Variants in TMEM181 observed in about 807,000 individuals in gnomAD.
The protein encoded by TMEM181 is transmembrane protein 181, also known as G protein-coupled receptor 178.
A neutral mutation model predicts 71.9 loss-of-function variants in TMEM181; 39 were observed. The observed-to-expected ratio is 0.54, with a 90% confidence interval of 0.42 to 0.71. The LOEUF (loss-of-function observed/expected upper bound fraction) is 0.71. TMEM181 is among the 30% of genes least tolerant of loss of function. The pLI is 0.00. For synonymous variants in TMEM181, 245 were observed against 228.8 expected (o/e 1.07, Z -0.64); for missense variants, 595 against 583.0 (o/e 1.02, Z -0.21).
At chr6:158,546,373 C>T (rs1781527284) in intron 1 of TMEM181, among the ~76,000 whole-genome samples, 1 of 152,210 alleles carries the variant, frequency 6.6e-6, no homozygotes, top group East Asian at 1.9e-4. Flanking sequence ...AGATATGGCA[C>T]TACAGCATTT....
At chr6:158,572,605 G>C (rs979173167) in intron 1 of TMEM181, 1 of 386,910 alleles carries the variant, frequency 2.6e-6, no homozygotes, top group Non-Finnish European at 5.2e-6. Flanking sequence ...GACAGAGACC[G>C]GTGTTCCCAA....
intron 2 of TMEM181, among the ~76,000 whole-genome samples, chr6:158,577,644 T>C (rs1316334578): frequency 6.6e-6 from 1 of 152,076 alleles, no homozygotes; most frequent in East Asian, 1.9e-4. Context: ...CACCAAGATA[T>C]AATCAAACTG....
intron 1 of TMEM181, among the ~76,000 whole-genome samples, chr6:158,566,755 G>A (rs540112051): frequency 1.0e-3 from 155 of 151,760 alleles, no homozygotes; most frequent in African/African-American, 3.7e-3. Flanking sequence ...ATGGTGAGGA[G>A]TTGAGGGAGG....
chr6:158,602,978 T>C (rs1026791555), intron 6 of TMEM181, among the ~76,000 whole-genome samples: 3 of 152,206 alleles, frequency 2.0e-5, no homozygotes, highest in African/African-American at 7.2e-5. Context: ...CTTATCTTCG[T>C]CTAATGTAAT....
chr6:158,608,451 G>A lies in TMEM181; in HGVS notation c.792G>A (p.Gly264=), dbSNP rs1785085953. 6.2e-7 allele frequency: 1 copy of A among 1,614,082 alleles called. No homozygotes were observed. Among genetic ancestry groups the A allele is most frequent in the African/African-American group, 1.3e-5 (1 of 74,934 alleles). ...LLLFWLCVYH[G]IRVQGERKCL... Reference sequence around the variant, plus strand: ...TCTTCTGGCTGTGCGTGTACCACGGGATTCGTGTCCAGGTGAGCCGGAGCC... The same window carrying A: ...TCTTCTGGCTGTGCGTGTACCACGGAATTCGTGTCCAGGTGAGCCGGAGCC... Residue 264 remains glycine, a synonymous_variant, in exon 9 of 17, where the codon GGG becomes GGA. Transcript: ENST00000684151.
chr6:158,618,009 C>T (rs1785714109), intron 10 of TMEM181, among the ~76,000 whole-genome samples: 1 of 152,172 alleles, frequency 6.6e-6, no homozygotes, highest in African/African-American at 2.4e-5. Flanking sequence ...TGGTGCAGAG[C>T]TGAGTTCAAG....
chr6:158,562,263 C>T (rs1332197679), intron 1 of TMEM181, among the ~76,000 whole-genome samples: 1 of 152,170 alleles, frequency 6.6e-6, no homozygotes, highest in African/African-American at 2.4e-5. Context: ...CTGCAGTCTC[C>T]ATTCCTTCTC....
At chr6:158,598,956 C>T (rs371304562) in intron 6 of TMEM181, among the ~76,000 whole-genome samples, 3 of 152,160 alleles carry the variant, frequency 2.0e-5, no homozygotes, top group African/African-American at 7.2e-5. Context: ...CCACCGCACC[C>T]GGCCATTTCA....
chr6:158,622,939 T>C lies in TMEM181; in HGVS notation c.897-611T>C, dbSNP rs145613804. ...TCCCACGCTTGCTCTTTATGAGTGC[T>C]TTTGTCCTGTAAAATGGCCCCACAG... On this transcript the variant is annotated intron_variant, in intron 10 of 16. Coordinates refer to ENST00000684151, the MANE Select transcript of TMEM181 (RefSeq NM_001376852.1). 9.2e-5 allele frequency among the ~76,000 whole-genome samples: 14 copies of C among 152,330 alleles called. No individual in the cohort carries two copies. The East Asian group carries it at 2.7e-3, about 29-fold the overall frequency.
chr6:158,580,106 G>A (rs758019193), intron 2 of TMEM181, among the ~76,000 whole-genome samples: 6 of 152,148 alleles, frequency 3.9e-5, no homozygotes, highest in Non-Finnish European at 5.9e-5. Flanking sequence ...TGAGGTGGGC[G>A]GATCTCCTGA....
chr6:158,567,609 T>C (rs1406517160), intron 1 of TMEM181, among the ~76,000 whole-genome samples: 1 of 152,144 alleles, frequency 6.6e-6, no homozygotes, highest in East Asian at 1.9e-4. Flanking sequence ...AGAGAGAGCA[T>C]CTTAGATCAG....
chr6:158,626,905 C>T (rs1475695971), intron 13 of TMEM181, among the ~76,000 whole-genome samples: 1 of 142,372 alleles, frequency 7.0e-6, no homozygotes, highest in Non-Finnish European at 1.5e-5. Flanking sequence ...CCTTCACTCA[C>T]ACACCCTCAC....
intron 4 of TMEM181, among the ~76,000 whole-genome samples, chr6:158,584,823 G>A (rs1361536244): frequency 1.3e-5 from 2 of 152,140 alleles, no homozygotes; most frequent in African/African-American, 4.8e-5. Context: ...GGTCTGGAAG[G>A]ATAGACATGA....
chr6:158,587,494 T>C (rs1783835293), intron 5 of TMEM181, among the ~76,000 whole-genome samples: 1 of 152,024 alleles, frequency 6.6e-6, no homozygotes, highest in African/African-American at 2.4e-5. Flanking sequence ...CACCCTCTTA[T>C]ATTACTTTTT....
At chr6:158,543,553 G>A (rs1333311674) in intron 1 of TMEM181, among the ~76,000 whole-genome samples, 1 of 152,232 alleles carries the variant, frequency 6.6e-6, no homozygotes, top group Non-Finnish European at 1.5e-5. Context: ...GTCTCCTCCT[G>A]AGGGACATTC....
At chr6:158,623,439 G>T in intron 10 of TMEM181, 111 bp from the exon 11 acceptor site, 1 of 616,556 alleles carries the variant, frequency 1.6e-6, no homozygotes, top group East Asian at 3.2e-5. Context: ...CTGTTGGTAG[G>T]AAGTAGTTTA....
At chr6:158,575,444 G>A (rs966749030) in intron 2 of TMEM181, among the ~76,000 whole-genome samples, 1 of 151,984 alleles carries the variant, frequency 6.6e-6, no homozygotes, top group Non-Finnish European at 1.5e-5. Flanking sequence ...TTCTCCAGTA[G>A]CTGGGATTAG....
chr6:158,577,270 AT>A (rs1783218756), intron 2 of TMEM181, among the ~76,000 whole-genome samples: 1 of 151,844 alleles, frequency 6.6e-6, no homozygotes, highest in African/African-American at 2.4e-5. Flanking sequence ...GAATAAAAAG[AT>A]AGAAAACCTA....
chr6:158,572,251 A>G (rs919096014), intron 1 of TMEM181, among the ~76,000 whole-genome samples: 1 of 152,172 alleles, frequency 6.6e-6, no homozygotes, highest in Non-Finnish European at 1.5e-5. Context: ...GTGGGCACGC[A>G]GGCCCGTGTG....
Sources: gnomAD v4.1 joint callset for allele counts (sites outside exome capture counted in the v4.1 genomes callset) on GRCh38, gnomAD v4.1.1 for gene constraint, MANE v1.5 for transcripts, NCBI Gene and HGNC (gene_info 2026-07-23, HGNC 2026-07-21) for gene names.